SLC26A7: variants seen among roughly 807,000 people sequenced by gnomAD.
The protein encoded by SLC26A7 is anion exchange transporter.
A neutral mutation model predicts 82.5 loss-of-function variants in SLC26A7; 59 were observed. The observed-to-expected ratio is 0.72, with a 90% CI of 0.58 to 0.89. SLC26A7 has a LOEUF of 0.89. Among genes scored for constraint, SLC26A7 ranks in the 40% least tolerant of loss-of-function variants. SLC26A7 has a pLI of 0.00. For missense variants in SLC26A7, 820 were observed against 793.0 expected (o/e 1.03, Z -0.41); for synonymous variants, 271 against 274.3 (o/e 0.99, Z 0.12).
intron 15 of SLC26A7, among the ~76,000 whole-genome samples, chr8:91,378,828 A>C (rs180682456): frequency 6.6e-6 from 1 of 152,088 alleles, no homozygotes; most frequent in Non-Finnish European, 1.5e-5. Context: ...CAAAAATATA[A>C]CCCCAAAACT....
At chr8:91,386,625 C>T (rs904411988) in intron 15 of SLC26A7, among the ~76,000 whole-genome samples, 1 of 151,918 alleles carries the variant, frequency 6.6e-6, no homozygotes, top group African/African-American at 2.4e-5. Flanking sequence ...ATAAGAGTAC[C>T]CACGTTTAAG....
intron 2 of SLC26A7, among the ~76,000 whole-genome samples, chr8:91,268,022 T>C (rs1017345363): frequency 2.0e-5 from 3 of 151,898 alleles, no homozygotes; most frequent in African/African-American, 7.2e-5. Context: ...TTCAGGAGAA[T>C]GTTGTTTAAT....
intron 7 of SLC26A7, among the ~76,000 whole-genome samples, chr8:91,339,036 C>G (rs1160321812): frequency 6.6e-6 from 1 of 152,126 alleles, no homozygotes; most frequent in African/African-American, 2.4e-5. Flanking sequence ...CTATCTTTAG[C>G]ACATATAGAT....
At chr8:91,281,018 T>A (rs367772369) in intron 2 of SLC26A7, among the ~76,000 whole-genome samples, 2 of 152,214 alleles carry the variant, frequency 1.3e-5, no homozygotes, top group Non-Finnish European at 2.9e-5. Context: ...TCTGTAGTTA[T>A]CACCTAAAAG....
chr8:91,225,157 G>A (rs1810216125), intron 2 of SLC26A7, among the ~76,000 whole-genome samples: 1 of 152,214 alleles, frequency 6.6e-6, no homozygotes, highest in African/African-American at 2.4e-5. Context: ...TCCCCAAGGA[G>A]CTCAAATGGC....
chr8:91,240,899 C>T (rs1328002708), intron 2 of SLC26A7, among the ~76,000 whole-genome samples: 1 of 151,976 alleles, frequency 6.6e-6, no homozygotes, highest in South Asian at 2.1e-4. Context: ...GAGTGAGACC[C>T]TCAAAAGATG....
At chr8:91,386,890 G>A (rs1814815619) in intron 15 of SLC26A7, among the ~76,000 whole-genome samples, 1 of 152,050 alleles carries the variant, frequency 6.6e-6, no homozygotes, top group Admixed American at 6.5e-5. Flanking sequence ...TCTAAAAAAA[G>A]TTTGAAAAAG....
intron 3 of SLC26A7, among the ~76,000 whole-genome samples, chr8:91,289,523 T>C (rs1485136957): frequency 6.6e-6 from 1 of 152,176 alleles, no homozygotes; most frequent in Non-Finnish European, 1.5e-5. Flanking sequence ...TACACGCCTG[T>C]AGTCCCAGCT....
chr8:91,252,757 C>T (rs1810694647), intron 2 of SLC26A7, among the ~76,000 whole-genome samples: 1 of 152,124 alleles, frequency 6.6e-6, no homozygotes, highest in Non-Finnish European at 1.5e-5. Context: ...CCTTTTCCAG[C>T]TTTCTTTGAG....
intron 8 of SLC26A7, among the ~76,000 whole-genome samples, chr8:91,341,875 G>A (rs1813425157): frequency 6.6e-6 from 1 of 151,864 alleles, no homozygotes; most frequent in Non-Finnish European, 1.5e-5. Context: ...CCCCTTTCTG[G>A]GAATTCTGTT....
In SLC26A7 at chr8:91,395,719, C is replaced by A. The variant is rs541399905; in HGVS notation, c.*622C>A. On this transcript the variant is annotated 3_prime_UTR_variant, in exon 19 of 19. Coordinates refer to ENST00000276609, the MANE Select transcript of SLC26A7 (RefSeq NM_052832.4). ...AAGTATTCAGGAATGTTTTCATAAT[C>A]GAAAGAAACGGGTATCCAAATAAAA... 2 of 152,150 alleles carry A rather than the reference C, an allele frequency of 1.3e-5. No individual in the cohort carries two copies. Among genetic ancestry groups the A allele is most frequent in the South Asian group, 2.1e-4 (1 of 4,820 alleles). The allele number at this position is 152,150 out of a possible 1,614,324, so 9.4% of individuals were successfully genotyped here.
At chr8:91,279,123 G>GTATATATATATATATATATATATATATA (rs1223990677) in intron 2 of SLC26A7, among the ~76,000 whole-genome samples, 3 of 78,766 alleles carry the variant, frequency 3.8e-5, no homozygotes, top group African/African-American at 1.7e-4. Flanking sequence ...GTGTGTGTGT[G>GTATATATATATATATATATATATATATA]TGTATATATA....
rs531077452 is a variant in SLC26A7, at chr8:91,237,211, AC to A, written c.-33-12407del. ...TTTAAATTTGTGTGTCTGATAAATG[AC>A]TTTTTTACTGTATGTCTCATGCAAA... On this transcript the variant is annotated intron_variant, in intron 2 of 5. Transcript: ENST00000522862. Among the ~76,000 whole-genome samples the A allele has an allele frequency of 5.9e-5, 9 of 152,344 alleles. No individual in the cohort carries two copies. The South Asian group carries it at 1.9e-3, about 32-fold the overall frequency.
Position 91,318,003 on chromosome 8 carries a change from T to TA in SLC26A7, c.478-203dup, listed in dbSNP as rs1323764252. ...CAAAAAAAATAAAATAAAATTAAATTAAAAAAAAAAGAAACCTTTGAAACC... is the reference window on the plus strand; with the variant it reads ...CAAAAAAAATAAAATAAAATTAAATTAAAAAAAAAAAGAAACCTTTGAAACC... On this transcript the variant is annotated intron_variant, in intron 4 of 18. Transcript: ENST00000276609. Among the ~76,000 whole-genome samples the TA allele has an allele frequency of 7.0e-4, 98 of 139,892 alleles. 1 individual carries two copies. The highest frequency in any genetic ancestry group is 3.9e-3 in the Middle Eastern group (1 of 258). The allele number at this position is 139,892 out of a possible 152,430, so 91.8% of individuals were successfully genotyped here. A position where few individuals can be genotyped will look rare whatever the true frequency, so the allele number is the denominator to read the frequency against.
intron 5 of SLC26A7, among the ~76,000 whole-genome samples, chr8:91,325,610 C>T (rs1191425022): frequency 6.6e-6 from 1 of 152,096 alleles, no homozygotes; most frequent in African/African-American, 2.4e-5. Context: ...GTGAGAAGAG[C>T]TCGTATGCCT....
intron 14 of SLC26A7, among the ~76,000 whole-genome samples, chr8:91,368,962 AAAG>A (rs1245681476): frequency 7.2e-5 from 11 of 152,342 alleles, no homozygotes; most frequent in East Asian, 1.9e-4. Flanking sequence ...CACTGGCTAT[AAAG>A]AAGAGAAAAC....
At chr8:91,294,259 A>G (rs926277168) in intron 3 of SLC26A7, among the ~76,000 whole-genome samples, 2 of 152,196 alleles carry the variant, frequency 1.3e-5, no homozygotes, top group Non-Finnish European at 2.9e-5. Context: ...GATATGTGCT[A>G]TATTACATTA....
At chr8:91,284,528 T>C (rs1811659158) in intron 2 of SLC26A7, among the ~76,000 whole-genome samples, 1 of 152,208 alleles carries the variant, frequency 6.6e-6, no homozygotes, top group African/African-American at 2.4e-5. Context: ...TATTCACATT[T>C]GTTTTTAGAC....
chr8:91,259,346 C>T (rs1188094182), intron 2 of SLC26A7, among the ~76,000 whole-genome samples: 1 of 152,110 alleles, frequency 6.6e-6, no homozygotes, highest in Non-Finnish European at 1.5e-5. Context: ...CACTACTTAA[C>T]ACCTGCTGTT....
Sources: allele counts gnomAD v4.1 joint callset (sites outside exome capture counted in the v4.1 genomes callset), GRCh38; gene constraint gnomAD v4.1.1; transcripts MANE v1.5; gene names NCBI Gene and HGNC (gene_info 2026-07-23, HGNC 2026-07-21).